HLA-DPB1: variants seen among roughly 807,000 people sequenced by gnomAD.
HLA-DPB1 encodes the protein major histocompatibility complex, class II, DP beta 1, also known as HLA class II histocompatibility antigen, DP beta 1 chain.
A neutral mutation model predicts 29.4 loss-of-function variants in HLA-DPB1; 30 were observed. The observed-to-expected ratio is 1.02, with a 90% CI of 0.76 to 1.38. The LOEUF is 1.38. HLA-DPB1 is among the 40% of genes most tolerant of loss of function. The pLI is 0.00. For synonymous variants in HLA-DPB1, 114 were observed against 134.0 expected, an observed-to-expected ratio of 0.85 and a Z score of 1.03; for missense variants, 261 against 327.5, an observed-to-expected ratio of 0.80 and a Z score of 1.57.
rs1232223770 is a variant in HLA-DPB1 at position 33,080,025 on chromosome 6, T to C, written c.101-647T>C. Among the ~76,000 whole-genome samples, 2 of 152,236 alleles carry C rather than the reference T, an allele frequency of 1.3e-5. No individual in the cohort carries two copies. Among genetic ancestry groups the C allele is most frequent in the Non-Finnish European group, 1.5e-5 (1 of 68,038 alleles). ...TCCACATCTTTTGACACCAAGTCTT[T>C]CTGCAGCCATGTTTGAAAATTAACT... On this transcript the variant is annotated intron_variant, in intron 1 of 5. Coordinates refer to ENST00000418931, the MANE Select transcript of HLA-DPB1 (RefSeq NM_002121.6). This position sits in a 1 kb window ranked among gnomAD's most constrained non-coding sequence, Gnocchi z 4.3.
intron 3 of HLA-DPB1, 70 bp downstream of exon 3, chr6:33,085,301 C>T (rs1763050129): frequency 2.3e-6 from 3 of 1,327,742 alleles, no homozygotes; most frequent in Non-Finnish European, 3.1e-6. Context: ...GGGGTCCACT[C>T]ATCTTATCTT....
chr6:33,080,061 A>G lies in HLA-DPB1; in HGVS notation c.101-611A>G, dbSNP rs530320446. Among the ~76,000 whole-genome samples, 1 of 152,358 alleles carries G rather than the reference A, an allele frequency of 6.6e-6. No homozygotes were observed. The highest frequency in any genetic ancestry group is 1.9e-4 in the East Asian group (1 of 5,192). ...GTTTGAAAATTAACTTTCAGGCTAC[A>G]GAGTCTTTCTTATACCAAAGTTGAA... On this transcript the variant is annotated intron_variant, in intron 1 of 5. Coordinates refer to ENST00000418931, the MANE Select transcript of HLA-DPB1 (RefSeq NM_002121.6). The surrounding 1 kb of genome is among the most constrained non-coding windows in gnomAD (Gnocchi z 4.3).
At position 33,080,681 on chromosome 6, in the gene HLA-DPB1, T is replaced by A; in HGVS notation, c.110T>A (p.Leu37His). 6.8e-6 allele frequency: 11 copies of A among 1,612,156 alleles called. 1 individual carries two copies. In the Middle Eastern group the frequency reaches 1.5e-3, roughly 218 times the overall value. ...CGCCCCCTCCCCGCAGAGAATTACC[T>A]TTTCCAGGGACGGCAGGAATGCTAC... ...VQGRATPENY[L>H]FQGRQECYAF... is the part of the protein sequence containing the mutation. Residue 37 changes from leucine (L) to histidine (H), a missense_variant, in exon 2 of 6, where the codon CTT becomes CAT. Leu to His is a moderately conservative substitution (Grantham distance 99, BLOSUM62 -3). Transcript: ENST00000418931. This position sits in a 1 kb window ranked among gnomAD's most constrained non-coding sequence, Gnocchi z 4.3.
chr6:33,084,750 T>C (rs1203909900), intron 2 of HLA-DPB1, among the ~76,000 whole-genome samples, 200 bp from the exon 3 acceptor site: 1 of 151,636 alleles, frequency 6.6e-6, no homozygotes, highest in Admixed American at 6.6e-5. Flanking sequence ...AGTGAGCCAA[T>C]ATTGCGCCAC....
In HLA-DPB1 at chr6:33,085,018, C is replaced by G. The variant is rs1396673537; in HGVS notation, c.433C>G (p.His145Asp). 3 of 1,612,866 alleles carry G rather than the reference C, an allele frequency of 1.9e-6. No homozygotes were observed. In the South Asian group the frequency reaches 3.3e-5, roughly 18 times the overall value. The part of the protein sequence containing the change: ...PLQHHNLLVC[H>D]VTDFYPGSIQ... ...GCAGCACCACAACCTGCTTGTCTGC[C>G]ACGTGACGGATTTCTACCCAGGCAG... Residue 145 changes from histidine to aspartate, a missense_variant, in exon 3 of 6, where the codon CAC (histidine) becomes GAC (aspartate). Transcript: ENST00000418931.
In HLA-DPB1 at chr6:33,080,937, T is replaced by C; in HGVS notation, c.364+2T>C. The C allele has an allele frequency of 6.3e-7, 1 of 1,581,870 alleles. No homozygotes were observed. ...GGCCCATGACCCTGCAGCGCCGAGG[T>C]GAGTGAGGGCTTTGGGCCGGCGGTC... On this transcript the variant is annotated splice_donor_variant, in intron 2 of 5. Coordinates refer to ENST00000418931, the MANE Select transcript of HLA-DPB1 (RefSeq NM_002121.6). LOFTEE classifies it high-confidence loss of function. This position sits in a 1 kb window ranked among gnomAD's most constrained non-coding sequence, Gnocchi z 4.3.
chr6:33,079,601 G>A (rs954135184), intron 1 of HLA-DPB1: 43 of 451,890 alleles, frequency 9.5e-5, no homozygotes, highest in African/African-American at 8.2e-4. Context: ...AAGGTCCAAG[G>A]GCCAGATCTT....
chr6:33,086,044 G>C (rs1763084145), intron 4 of HLA-DPB1, 155 bp downstream of exon 4: 2 of 775,942 alleles, frequency 2.6e-6, no homozygotes, highest in Non-Finnish European at 4.4e-6. Context: ...TAGCGAGAGA[G>C]GGATCCCAGG....
chr6:33,081,238 TGTGGAGATGGAG>T (rs1762852432), intron 2 of HLA-DPB1: 1 of 393,614 alleles, frequency 2.5e-6, no homozygotes, highest in South Asian at 6.5e-5. Flanking sequence ...AAGGGTATGG[TGTGGAGATGGAG>T]GTGGAGATGG....
At chr6:33,079,680 A>C in intron 1 of HLA-DPB1, 1 of 490,904 alleles carries the variant, frequency 2.0e-6, no homozygotes, top group East Asian at 5.8e-5. Flanking sequence ...GGCTTCCAGA[A>C]GTTTCTGGTC....
intron 1 of HLA-DPB1, among the ~76,000 whole-genome samples, chr6:33,076,481 G>A (rs9469347): frequency 0.2 from 29,889 of 152,096 alleles, 3,585 homozygotes; most frequent in African/African-American, 0.33. Flanking sequence ...GCGTGTTCAT[G>A]TCTGCATCCA....
intron 3 of HLA-DPB1, 44 bp downstream of exon 3, chr6:33,085,275 G>C: frequency 6.6e-7 from 1 of 1,504,330 alleles, no homozygotes. Context: ...TGAAGAGCAG[G>C]GGACTCTCTG....
At position 33,080,652 on chromosome 6, in the gene HLA-DPB1, T is replaced by C. The variant is rs748641591; in HGVS notation, c.101-20T>C. On this transcript the variant is annotated intron_variant, in intron 1 of 5. Transcript: ENST00000418931. This position sits in a 1 kb window ranked among gnomAD's most constrained non-coding sequence, Gnocchi z 4.3. ...TAGATGAGAGTGGCGCCTCCGCTCA[T>C]GTCCGCCCCCTCCCCGCAGAGAATT... 24 of 1,612,210 alleles carry C rather than the reference T, an allele frequency of 1.5e-5. No homozygotes were observed. In the South Asian group the frequency reaches 2.3e-4, roughly 15 times the overall value.
chr6:33,080,811 G>C lies in HLA-DPB1; in HGVS notation c.240G>C (p.Leu80=). ...GGGAGTTCCGGGCGGTGACGGAGCT[G>C]GGGCGGCCTGCTGCGGAGTACTGGA... ...DVGEFRAVTE[L]GRPAAEYWNS... The change falls in exon 2 of 6, where the codon CTG becomes CTC. Residue 80 remains leucine, a synonymous_variant. Transcript: ENST00000418931. The surrounding 1 kb of genome is among the most constrained non-coding windows in gnomAD (Gnocchi z 4.3). The C allele has an allele frequency of 6.2e-7, 1 of 1,603,674 alleles. No homozygotes were observed. Among genetic ancestry groups the C allele is most frequent in the South Asian group, 1.1e-5 (1 of 90,092 alleles).
In HLA-DPB1 at chr6:33,076,163, T is replaced by C. The variant is rs148357738; in HGVS notation, c.100+22T>C. On this transcript the variant is annotated intron_variant, in intron 1 of 5. Transcript: ENST00000418931. Reference sequence around the variant, plus strand: ...CCAGGTAAGAGCCGAACTGCCATTCTTGGAGGGTCTGGCTCAGGGAACAAT... The same window carrying C: ...CCAGGTAAGAGCCGAACTGCCATTCCTGGAGGGTCTGGCTCAGGGAACAAT... 1,971 of 1,511,456 alleles carry C rather than the reference T, an allele frequency of 1.3e-3. 34 individuals are homozygous for C. The highest frequency in any genetic ancestry group is 0.013 in the East Asian group (573 of 43,972). 93.6% of individuals were successfully genotyped at this position (1,511,456 alleles called of 1,614,324 possible).
At chr6:33,085,963 T>G in intron 4 of HLA-DPB1, 74 bp downstream of exon 4, 2 of 1,030,244 alleles carry the variant, frequency 1.9e-6, no homozygotes, top group Non-Finnish European at 2.9e-6. Flanking sequence ...ATGAGGGGTT[T>G]GACAGAAAAG....
Position 33,080,812 on chromosome 6 carries a change from G to C in HLA-DPB1, c.241G>C (p.Gly81Arg). Residue 81 changes from glycine to arginine, a missense_variant, in exon 2 of 6, where the codon GGG becomes CGG. By Grantham distance (125) the Gly-to-Arg change is moderately radical. Transcript: ENST00000418931. The surrounding 1 kb of genome is among the most constrained non-coding windows in gnomAD (Gnocchi z 4.3). Reference sequence around the variant, plus strand: ...GGAGTTCCGGGCGGTGACGGAGCTGGGGCGGCCTGCTGCGGAGTACTGGAA... The same window carrying C: ...GGAGTTCCGGGCGGTGACGGAGCTGCGGCGGCCTGCTGCGGAGTACTGGAA... ...VGEFRAVTEL[G>R]RPAAEYWNSQ... The C allele has an allele frequency of 1.2e-6, 2 of 1,613,602 alleles. No individual in the cohort carries two copies. The highest frequency in any genetic ancestry group is 8.5e-7 in the Non-Finnish European group (1 of 1,179,808).
rs9277539 is a variant in HLA-DPB1, at chr6:33,087,302, A to G, written c.*768A>G. ...TCATTTGTCGTCTAAGTCTGCATTC[A>G]TCCACCAGCCTAGGCCTCCTGTCTT... is the stretch of plus-strand genomic sequence containing the variant. On this transcript the variant is annotated 3_prime_UTR_variant, in exon 6 of 6. Transcript: ENST00000418931. 48,680 of 152,424 alleles carry G rather than the reference A, an allele frequency of 0.32. 8,951 individuals are homozygous for G. Among genetic ancestry groups the G allele is most frequent in the East Asian group, 0.55 (2,939 of 5,314 alleles). 9.4% of individuals were successfully genotyped at this position (152,424 alleles called of 1,614,324 possible).
intron 2 of HLA-DPB1, 167 bp downstream of exon 2, chr6:33,081,102 C>A: frequency 1.3e-6 from 1 of 776,556 alleles, no homozygotes; most frequent in Non-Finnish European, 2.0e-6. Flanking sequence ...GGGGAGCGAG[C>A]GCGGGGACCT....
Sources: gnomAD v4.1 joint callset for allele counts (sites outside exome capture counted in the v4.1 genomes callset) on GRCh38, gnomAD v4.1.1 for gene constraint, Gnocchi (gnomAD v3.1) non-coding constraint, MANE v1.5 for transcripts, NCBI Gene and HGNC (gene_info 2026-07-23, HGNC 2026-07-21) for gene names.